NREP: variants seen among roughly 807,000 people sequenced by gnomAD.
NREP encodes the protein neuronal regeneration related protein.
In NREP, 5 loss-of-function variants were observed where a neutral mutation model predicts 8.6. The ratio of observed to expected loss-of-function variants is 0.58; its 90% CI spans 0.30 to 1.22. The LOEUF is 1.22. Ranked by LOEUF, NREP falls within the 50% of genes most tolerant of loss-of-function variation. The pLI is 0.07. For missense variants in NREP, 86 were observed against 82.5 expected (o/e 1.04, Z -0.17); for synonymous variants, 27 against 28.0 (o/e 0.96, Z 0.11).
At position 111,931,720 on chromosome 5, in the gene NREP, A is replaced by G. The variant is rs570595469; in HGVS notation, c.135+43554T>C. ...TTGGATTCTCTGACCTTCTCAAACAAAGGCATAGTAATTGATAAAATGTTC... is the reference window on the plus strand; with the variant it reads ...TTGGATTCTCTGACCTTCTCAAACAGAGGCATAGTAATTGATAAAATGTTC... On this transcript the variant is annotated intron_variant, in intron 2 of 3. Coordinates refer to the NREP transcript ENST00000395634. Among the ~76,000 whole-genome samples, 12 of 152,276 alleles carry G rather than the reference A, an allele frequency of 7.9e-5. 1 individual carries two copies. In the South Asian group the frequency reaches 2.5e-3, roughly 32 times the overall value.
At chr5:111,860,383 A>T (rs1753518845) in intron 2 of NREP, among the ~76,000 whole-genome samples, 1 of 152,052 alleles carries the variant, frequency 6.6e-6, no homozygotes, top group Non-Finnish European at 1.5e-5. Flanking sequence ...TCTTCATTGT[A>T]TTGCACTTTA....
Position 111,905,895 on chromosome 5 carries a change from G to GTTTTCCAGATTACT in NREP, c.135+69378_135+69379insAGTAATCTGGAAAA. On this transcript the variant is annotated intron_variant, in intron 2 of 3. Coordinates refer to the NREP transcript ENST00000395634. ...CAAATAAAACATAAATCTCTGAAAA[G>GTTTTCCAGATTACT]TAATCTGGAAAAGTTTAAGACATGT... is the stretch of plus-strand genomic sequence containing the variant. 2.0e-5 allele frequency among the ~76,000 whole-genome samples: 3 copies of GTTTTCCAGATTACT among 152,098 alleles called. No homozygotes were observed. In the South Asian group the frequency reaches 6.2e-4, roughly 31 times the overall value.
chr5:111,770,175 C>T (rs940105947), intron 2 of NREP, among the ~76,000 whole-genome samples: 1 of 152,162 alleles, frequency 6.6e-6, no homozygotes, highest in African/African-American at 2.4e-5. Context: ...GAATATTTTT[C>T]AATTTTTATA....
chr5:111,895,963 C>G (rs942402359), intron 2 of NREP, among the ~76,000 whole-genome samples: 3 of 152,126 alleles, frequency 2.0e-5, no homozygotes, highest in Admixed American at 2.0e-4. Context: ...CCAGCACATC[C>G]TGAATGAACA....
intron 2 of NREP, among the ~76,000 whole-genome samples, chr5:111,808,858 C>T (rs1311951522): frequency 6.6e-6 from 1 of 152,158 alleles, no homozygotes; most frequent in Non-Finnish European, 1.5e-5. Flanking sequence ...TGCCACATTG[C>T]TAACCTTTGT....
At chr5:111,783,605 C>A (rs1269839172) in intron 2 of NREP, among the ~76,000 whole-genome samples, 1 of 152,214 alleles carries the variant, frequency 6.6e-6, no homozygotes, top group Non-Finnish European at 1.5e-5. Context: ...GATGTCCCTT[C>A]TCCATCTGAG....
At chr5:111,923,794 A>G (rs915983813) in intron 2 of NREP, among the ~76,000 whole-genome samples, 2 of 152,174 alleles carry the variant, frequency 1.3e-5, no homozygotes, top group Non-Finnish European at 1.5e-5. Flanking sequence ...TAAAGACTGA[A>G]TGCCTTCCCT....
chr5:111,765,459 T>C (rs1175351184), intron 2 of NREP, among the ~76,000 whole-genome samples: 1 of 152,214 alleles, frequency 6.6e-6, no homozygotes, highest in African/African-American at 2.4e-5. Context: ...GCATTCTCCG[T>C]GTACAGGCAC....
At chr5:111,847,304 C>A (rs1753201254) in intron 2 of NREP, among the ~76,000 whole-genome samples, 1 of 152,052 alleles carries the variant, frequency 6.6e-6, no homozygotes. Flanking sequence ...TTCCTTAGTG[C>A]ATGCACAGAG....
At chr5:111,758,179 G>A, upstream of NREP, 2 of 985,530 alleles carry the variant, frequency 2.0e-6, no homozygotes, top group Non-Finnish European at 2.4e-6. Context: ...GGCGGGGAGC[G>A]CCCCTGAAGG....
chr5:111,917,421 G>C (rs1263043675), intron 2 of NREP, among the ~76,000 whole-genome samples: 1 of 152,062 alleles, frequency 6.6e-6, no homozygotes, highest in Non-Finnish European at 1.5e-5. Context: ...GAAAATTTCA[G>C]GCCAATATCC....
intron 2 of NREP, among the ~76,000 whole-genome samples, chr5:111,771,915 G>A (rs756074190): frequency 1.3e-5 from 2 of 152,078 alleles, no homozygotes; most frequent in Non-Finnish European, 2.9e-5. Flanking sequence ...CTAGAGAACT[G>A]AAGCAAAAAA....
intron 2 of NREP, among the ~76,000 whole-genome samples, chr5:111,795,024 G>GA (rs1751844987): frequency 6.6e-6 from 1 of 151,066 alleles, no homozygotes; most frequent in Non-Finnish European, 1.5e-5. Flanking sequence ...AAAAAAGCCG[G>GA]AAAAATGTGA....
chr5:111,767,030 C>T (rs538468297), intron 2 of NREP, among the ~76,000 whole-genome samples: 1 of 152,168 alleles, frequency 6.6e-6, no homozygotes, highest in Non-Finnish European at 1.5e-5. Flanking sequence ...TTTAACATTC[C>T]TCCCACCCTA....
chr5:111,795,753 T>C (rs1242502029), intron 2 of NREP, among the ~76,000 whole-genome samples: 1 of 152,126 alleles, frequency 6.6e-6, no homozygotes, highest in African/African-American at 2.4e-5. Flanking sequence ...AGTAATCAAA[T>C]AGGTCAAAAG....
intron 2 of NREP, among the ~76,000 whole-genome samples, chr5:111,866,383 G>C (rs1051361351): frequency 6.6e-6 from 1 of 152,068 alleles, no homozygotes; most frequent in African/African-American, 2.4e-5. Flanking sequence ...GCAGGCAAAA[G>C]ACACATGAAA....
intron 2 of NREP, among the ~76,000 whole-genome samples, chr5:111,769,607 G>A (rs1161171618): frequency 6.6e-6 from 1 of 152,272 alleles, no homozygotes; most frequent in African/African-American, 2.4e-5. Flanking sequence ...AAATTTATGA[G>A]GAAAACAGGT....
intron 2 of NREP, among the ~76,000 whole-genome samples, chr5:111,862,652 T>A (rs1487249065): frequency 6.6e-6 from 1 of 152,056 alleles, no homozygotes; most frequent in Non-Finnish European, 1.5e-5. Flanking sequence ...ATCCTTCAAC[T>A]TTTATCACGT....
In NREP at chr5:111,852,198, T is replaced by A. The variant is rs190258863; in HGVS notation, c.136-116691A>T. ...TTCAGCTGTTAACAATAAGACTTTTTCTCCCAATGGTGGTGGAAGGTAAGG... is the reference window on the plus strand; with the variant it reads ...TTCAGCTGTTAACAATAAGACTTTTACTCCCAATGGTGGTGGAAGGTAAGG... On this transcript the variant is annotated intron_variant, in intron 2 of 3. Transcript: ENST00000395634. Among the ~76,000 whole-genome samples, 448 of 152,276 alleles carry A rather than the reference T, an allele frequency of 2.9e-3. 2 individuals are homozygous for A. Among genetic ancestry groups the A allele is most frequent in the Admixed American group, 6.3e-3 (96 of 15,282 alleles).
Sources: allele counts gnomAD v4.1 joint callset (sites outside exome capture counted in the v4.1 genomes callset), GRCh38; gene constraint gnomAD v4.1.1; transcripts MANE v1.5; gene names NCBI Gene and HGNC (gene_info 2026-07-23, HGNC 2026-07-21).